Variants in WWOX observed in about 807,000 individuals in gnomAD.
WWOX encodes WW domain-containing oxidoreductase.
Under a neutral mutation model 46.2 loss-of-function variants are expected in WWOX, and 69 were observed. The observed-to-expected ratio is 1.49, with a 90% CI of 1.23 to 1.82. The LOEUF (loss-of-function observed/expected upper bound fraction) is 1.82. Ranked by LOEUF, WWOX falls within the 40% of genes most tolerant of loss-of-function variation. The probability of loss-of-function intolerance (pLI) is 0.00; values close to 1 mark genes in which losing one functional copy is unlikely to be tolerated. For synonymous variants in WWOX, 359 were observed against 202.6 expected, an observed-to-expected ratio of 1.77 and a Z score of -6.56; for missense variants, 919 against 542.6, an observed-to-expected ratio of 1.69 and a Z score of -6.89.
intron 8 of WWOX, among the ~76,000 whole-genome samples, chr16:78,684,787 C>G (rs1022650371): frequency 3.3e-5 from 5 of 152,196 alleles, no homozygotes; most frequent in Non-Finnish European, 7.3e-5. Context: ...CCTAGTTGAG[C>G]TTCTCTTTGT....
intron 4 of WWOX, among the ~76,000 whole-genome samples, chr16:78,146,183 G>A (rs907483429): frequency 1.3e-5 from 2 of 152,132 alleles, no homozygotes; most frequent in African/African-American, 4.8e-5. Context: ...GATCTTTTGG[G>A]GAGTACTTGC....
rs573744486 is a variant in WWOX, at chr16:78,861,932, G to C, written c.1057-349676G>C. 8.5e-5 allele frequency among the ~76,000 whole-genome samples: 13 copies of C among 152,308 alleles called. No homozygotes were observed. The South Asian group carries it at 1.9e-3, about 22-fold the overall frequency. On this transcript the variant is annotated intron_variant, in intron 8 of 8. Coordinates refer to ENST00000566780, the MANE Select transcript of WWOX (RefSeq NM_016373.4). ...TTTCTGGTGATAAACATTTGAGAAA[G>C]ATTTGGTTGTTGGTGATACTGATGG...
chr16:78,238,724 A>C (rs1220468162), intron 5 of WWOX, among the ~76,000 whole-genome samples: 1 of 151,708 alleles, frequency 6.6e-6, no homozygotes, highest in African/African-American at 2.4e-5. Context: ...GGTTCAAGCG[A>C]TTCTCCTGCC....
At chr16:79,039,778 G>A (rs966657488) in intron 8 of WWOX, among the ~76,000 whole-genome samples, 3 of 152,108 alleles carry the variant, frequency 2.0e-5, no homozygotes, top group South Asian at 2.1e-4. Flanking sequence ...TTCTCACCTC[G>A]AAATCTCCCT....
intron 5 of WWOX, among the ~76,000 whole-genome samples, chr16:78,293,343 C>T (rs1169617769): frequency 6.6e-6 from 1 of 152,198 alleles, no homozygotes; most frequent in African/African-American, 2.4e-5. Context: ...TTTGCACTCT[C>T]TCCTGCCAGA....
At chr16:78,312,957 G>C (rs1651181909) in intron 5 of WWOX, among the ~76,000 whole-genome samples, 1 of 152,176 alleles carries the variant, frequency 6.6e-6, no homozygotes, top group Non-Finnish European at 1.5e-5. Flanking sequence ...CAGCTGCCTG[G>C]TGTACAGGAG....
chr16:79,159,888 C>A (rs2050451524), intron 8 of WWOX, among the ~76,000 whole-genome samples: 1 of 152,108 alleles, frequency 6.6e-6, no homozygotes, highest in African/African-American at 2.4e-5. Context: ...TATGCCGCAC[C>A]TCCTCTTTGA....
intron 8 of WWOX, among the ~76,000 whole-genome samples, chr16:78,908,180 C>T (rs1026490073): frequency 6.6e-6 from 1 of 152,112 alleles, no homozygotes; most frequent in African/African-American, 2.4e-5. Flanking sequence ...TGTAATTGCC[C>T]AACGGGTTCT....
chr16:78,731,526 T>C (rs993388003), intron 8 of WWOX, among the ~76,000 whole-genome samples: 1 of 152,058 alleles, frequency 6.6e-6, no homozygotes, highest in Admixed American at 6.6e-5. Context: ...CCTTTTTCCT[T>C]TCATTCCTTC....
chr16:78,405,755 C>G (rs1019373904), intron 6 of WWOX, among the ~76,000 whole-genome samples: 4 of 152,118 alleles, frequency 2.6e-5, no homozygotes, highest in African/African-American at 9.7e-5. Context: ...TATATTTTCT[C>G]TAATTCTTGT....
At chr16:79,133,780 G>A (rs546803025) in intron 8 of WWOX, among the ~76,000 whole-genome samples, 23 of 152,284 alleles carry the variant, frequency 1.5e-4, no homozygotes, top group South Asian at 2.1e-4. Flanking sequence ...TTAACTAGGC[G>A]TATAGAATTG....
intron 8 of WWOX, among the ~76,000 whole-genome samples, chr16:78,938,583 G>C (rs1190267952): frequency 6.6e-6 from 1 of 152,108 alleles, no homozygotes; most frequent in Non-Finnish European, 1.5e-5. Flanking sequence ...CAAATATTAA[G>C]AGTCGTCTCT....
At chr16:78,743,639 C>G (rs1211976100) in intron 8 of WWOX, among the ~76,000 whole-genome samples, 1 of 152,168 alleles carries the variant, frequency 6.6e-6, no homozygotes, top group Admixed American at 6.5e-5. Flanking sequence ...TTCTGAGTTG[C>G]AGATGGAAAA....
At chr16:78,278,681 C>T (rs1011259549) in intron 5 of WWOX, 1 of 1,589,920 alleles carries the variant, frequency 6.3e-7, no homozygotes, top group Non-Finnish European at 8.6e-7. Flanking sequence ...AATAAAAGAT[C>T]TTGAATAGTC....
At chr16:79,071,261 A>G (rs1019592652) in intron 8 of WWOX, among the ~76,000 whole-genome samples, 30 of 152,238 alleles carry the variant, frequency 2.0e-4, no homozygotes, top group Admixed American at 1.0e-3. Flanking sequence ...TACTTGCTAC[A>G]TACATTTTTG....
rs191481023 is a variant in WWOX at position 78,298,290 on chromosome 16, A to G, written c.517-88570A>G. Among the ~76,000 whole-genome samples the G allele has an allele frequency of 2.0e-5, 3 of 152,276 alleles. No individual in the cohort carries two copies. In the East Asian group the frequency reaches 5.8e-4, roughly 29 times the overall value. On this transcript the variant is annotated intron_variant, in intron 5 of 8. Coordinates refer to ENST00000566780, the MANE Select transcript of WWOX (RefSeq NM_016373.4). ...GACTGGGCCATCTTTCTTAGGCAGG[A>G]TCTCGAGCTAGGAGATGAGAAGAGC...
intron 8 of WWOX, among the ~76,000 whole-genome samples, chr16:79,184,703 C>T (rs1481557255): frequency 2.0e-5 from 3 of 152,314 alleles, no homozygotes; most frequent in Middle Eastern, 3.4e-3. Context: ...AATTTTCCAC[C>T]TTTCCCAGAA....
chr16:78,733,522 C>A lies in WWOX; in HGVS notation c.1056+300770C>A, dbSNP rs1292000489. Reference sequence around the variant, plus strand: ...CAGCACTCTGGGAGGACGAGGTGGGCGGATCACGAGGTCAGGAGATCGAGA... The same window carrying A: ...CAGCACTCTGGGAGGACGAGGTGGGAGGATCACGAGGTCAGGAGATCGAGA... On this transcript the variant is annotated intron_variant, in intron 8 of 8. Transcript: ENST00000566780. Among the ~76,000 whole-genome samples the A allele has an allele frequency of 2.7e-5, 4 of 149,792 alleles. No individual in the cohort carries two copies. The South Asian group carries it at 8.4e-4, about 32-fold the overall frequency.
At chr16:78,951,986 C>A (rs947945070) in intron 8 of WWOX, among the ~76,000 whole-genome samples, 1 of 152,108 alleles carries the variant, frequency 6.6e-6, no homozygotes, top group African/African-American at 2.4e-5. Context: ...GTGAGTATGC[C>A]ATTCTAATCT....
Sources: gnomAD v4.1 joint callset for allele counts (sites outside exome capture counted in the v4.1 genomes callset) on GRCh38, gnomAD v4.1.1 for gene constraint, MANE v1.5 for transcripts, NCBI Gene and HGNC (gene_info 2026-07-23, HGNC 2026-07-21) for gene names.